Variants in PXDNL observed in about 807,000 individuals in gnomAD.
PXDNL encodes peroxidasin like, also known as probable oxidoreductase PXDNL.
In PXDNL, 145 loss-of-function variants were observed where a neutral mutation model predicts 150.8. The ratio of observed to expected loss-of-function variants is 0.96; its 90% CI spans 0.84 to 1.10. The LOEUF is 1.10. Among genes scored for constraint, PXDNL ranks in the 50% least tolerant of loss-of-function variants. PXDNL has a pLI of 0.00. For missense variants in PXDNL, 2,087 were observed against 1,873.9 expected (o/e 1.11, Z -2.10); for synonymous variants, 757 against 725.7 (o/e 1.04, Z -0.69).
chr8:51,529,794 C>T (rs889134842), intron 4 of PXDNL, among the ~76,000 whole-genome samples: 4 of 152,172 alleles, frequency 2.6e-5, no homozygotes, highest in African/African-American at 9.7e-5. Flanking sequence ...CACAACCACA[C>T]CCCTTCCATT....
At chr8:51,418,547 T>G (rs1808862341) in intron 14 of PXDNL, among the ~76,000 whole-genome samples, 1 of 152,226 alleles carries the variant, frequency 6.6e-6, no homozygotes, top group South Asian at 2.1e-4. Flanking sequence ...ATAATTCAAA[T>G]AGTGAATTGT....
At chr8:51,448,932 T>G in intron 11 of PXDNL, 70 bp downstream of exon 11, 2 of 791,496 alleles carry the variant, frequency 2.5e-6, no homozygotes, top group Non-Finnish European at 4.4e-6. Flanking sequence ...TAATTTAAAC[T>G]ATTTTTTTTT....
chr8:51,347,144 A>G (rs565092231), intron 19 of PXDNL, among the ~76,000 whole-genome samples: 2 of 152,194 alleles, frequency 1.3e-5, no homozygotes, highest in South Asian at 2.1e-4. Flanking sequence ...AATTTAACAC[A>G]TTATATTAGG....
intron 2 of PXDNL, among the ~76,000 whole-genome samples, chr8:51,630,231 T>C (rs1042920592): frequency 1.3e-5 from 2 of 152,186 alleles, no homozygotes; most frequent in African/African-American, 4.8e-5. Context: ...TGGCTAGCCA[T>C]ATGCAGAAGA....
At chr8:51,423,064 T>G (rs549389405) in intron 14 of PXDNL, among the ~76,000 whole-genome samples, 1 of 152,350 alleles carries the variant, frequency 6.6e-6, no homozygotes, top group Non-Finnish European at 1.5e-5. Context: ...ATAACCAGAT[T>G]GGTGATAGAA....
chr8:51,687,016 C>T (rs946189095), intron 1 of PXDNL, among the ~76,000 whole-genome samples: 1 of 151,884 alleles, frequency 6.6e-6, no homozygotes, highest in Non-Finnish European at 1.5e-5. Flanking sequence ...TAATTTTAGA[C>T]TTAAGAAAAT....
intron 19 of PXDNL, among the ~76,000 whole-genome samples, chr8:51,360,246 C>T (rs1806679511): frequency 6.6e-6 from 1 of 152,086 alleles, no homozygotes; most frequent in African/African-American, 2.4e-5. Context: ...CATGTACATA[C>T]CCATATGTGT....
intron 4 of PXDNL, among the ~76,000 whole-genome samples, chr8:51,506,030 T>G (rs1044229216): frequency 2.0e-5 from 3 of 152,236 alleles, no homozygotes; most frequent in Non-Finnish European, 4.4e-5. Flanking sequence ...TCAACTGATT[T>G]TAAAGGAAAA....
intron 4 of PXDNL, among the ~76,000 whole-genome samples, chr8:51,538,525 G>T (rs1270738510): frequency 6.6e-6 from 1 of 152,152 alleles, no homozygotes; most frequent in Non-Finnish European, 1.5e-5. Context: ...CAGCACTTTG[G>T]GAGGCTGAGG....
chr8:51,809,392 A>AGCAGCTGCAGCTGCAGCTGCAGCAGCT lies in PXDNL; in HGVS notation c.-49_-48insAGCTGCTGCAGCTGCAGCTGCAGCTGC, dbSNP rs149859309. The AGCAGCTGCAGCTGCAGCTGCAGCAGCT allele has an allele frequency of 6.8e-7, 1 of 1,475,442 alleles. No individual in the cohort carries two copies. The highest frequency in any genetic ancestry group is 1.4e-5 in the African/African-American group (1 of 69,502). 91.4% of individuals were successfully genotyped at this position (1,475,442 alleles called of 1,614,324 possible). On this transcript the variant is annotated 5_prime_UTR_variant, in exon 1 of 23. Coordinates refer to ENST00000356297, the MANE Select transcript of PXDNL (RefSeq NM_144651.5). ...GCGAAGAAGCAGCCGGAGGGAGAGCAGCAGCTGCAGCTGCAGCAGCAACCG... is the reference window on the plus strand; with the variant it reads ...GCGAAGAAGCAGCCGGAGGGAGAGCAGCAGCTGCAGCTGCAGCTGCAGCAGCTGCAGCTGCAGCTGCAGCAGCAACCG...
chr8:51,577,593 C>CATATATAT (rs35173075), intron 3 of PXDNL, among the ~76,000 whole-genome samples: 544 of 142,198 alleles, frequency 3.8e-3, no homozygotes, highest in South Asian at 6.1e-3. Context: ...TATCTATCTA[C>CATATATAT]ATATATATAT....
intron 1 of PXDNL, among the ~76,000 whole-genome samples, chr8:51,763,966 A>T (rs1020734372): frequency 1.3e-5 from 2 of 152,178 alleles, no homozygotes; most frequent in Non-Finnish European, 2.9e-5. Flanking sequence ...GAATTTTTAA[A>T]ATTACTAATT....
At chr8:51,522,422 G>A (rs1407158652) in intron 4 of PXDNL, among the ~76,000 whole-genome samples, 1 of 152,210 alleles carries the variant, frequency 6.6e-6, no homozygotes, top group Non-Finnish European at 1.5e-5. Context: ...GGCACGCTGA[G>A]CTCCAGCATT....
At chr8:51,544,309 G>A (rs1453668790) in intron 4 of PXDNL, among the ~76,000 whole-genome samples, 1 of 152,118 alleles carries the variant, frequency 6.6e-6, no homozygotes, top group Non-Finnish European at 1.5e-5. Flanking sequence ...TAGGTGGGGA[G>A]GGGTGAGGCC....
At chr8:51,767,157 A>G (rs937631430) in intron 1 of PXDNL, among the ~76,000 whole-genome samples, 1 of 151,988 alleles carries the variant, frequency 6.6e-6, no homozygotes, top group African/African-American at 2.4e-5. Context: ...AGTTAGTCCA[A>G]CATCTGAGTT....
intron 21 of PXDNL, among the ~76,000 whole-genome samples, chr8:51,324,866 AT>A (rs1211781071): frequency 2.6e-5 from 4 of 152,018 alleles, no homozygotes; most frequent in Non-Finnish European, 4.4e-5. Context: ...TCATTGAAGC[AT>A]TTTTTATGAC....
chr8:51,374,734 G>C lies in PXDNL; in HGVS notation c.3558-3C>G. 6.2e-7 allele frequency: 1 copy of C among 1,613,480 alleles called. No individual in the cohort carries two copies. Among genetic ancestry groups the C allele is most frequent in the Non-Finnish European group, 8.5e-7 (1 of 1,179,632 alleles). On this transcript the variant is annotated splice_region_variant and splice_polypyrimidine_tract_variant and intron_variant, in intron 17 of 22. Coordinates refer to ENST00000356297, the MANE Select transcript of PXDNL (RefSeq NM_144651.5). The stretch of plus-strand genomic sequence containing the variant: ...TGTCACCTGGAGAGCCGTACAACCT[G>C]GAACAGAGACAGGCAGACAGCGCAC...
intron 4 of PXDNL, among the ~76,000 whole-genome samples, chr8:51,501,504 GCA>G (rs1811176522): frequency 6.6e-6 from 1 of 151,174 alleles, no homozygotes; most frequent in South Asian, 2.1e-4. Context: ...GGACACTCGT[GCA>G]CACTCACACT....
In PXDNL at chr8:51,436,257, G is replaced by T. The variant is rs566858927; in HGVS notation, c.1526-9499C>A. The T allele has an allele frequency of 5.1e-4, 260 of 509,538 alleles. 5 individuals are homozygous for T. The highest frequency in any genetic ancestry group is 4.4e-3 in the Middle Eastern group (10 of 2,296). 31.6% of individuals were successfully genotyped at this position (509,538 alleles called of 1,614,324 possible). A position where few individuals can be genotyped will look rare whatever the true frequency, so the allele number is the denominator to read the frequency against. The stretch of plus-strand genomic sequence containing the variant: ...TTTTGGATAATAGGATATGGTTTCA[G>T]AAGTTTTATATCATAGAAGAAGGTG... On this transcript the variant is annotated intron_variant, in intron 12 of 22. Coordinates refer to ENST00000356297, the MANE Select transcript of PXDNL (RefSeq NM_144651.5).
Sources: gnomAD v4.1 joint callset for allele counts (sites outside exome capture counted in the v4.1 genomes callset) on GRCh38, gnomAD v4.1.1 for gene constraint, MANE v1.5 for transcripts, NCBI Gene and HGNC (gene_info 2026-07-23, HGNC 2026-07-21) for gene names.